Variants in THBS4 observed in about 807,000 individuals in gnomAD.
THBS4 encodes the protein thrombospondin 4.
Under a neutral mutation model 115.7 loss-of-function variants are expected in THBS4, and 90 were observed. The observed-to-expected ratio is 0.78, with a 90% CI of 0.66 to 0.93. THBS4 has a LOEUF of 0.93. THBS4 is among the 40% of genes least tolerant of loss of function. The pLI is 0.00. For synonymous variants in THBS4, 460 were observed against 479.3 expected, an observed-to-expected ratio of 0.96 and a Z score of 0.53; for missense variants, 1,087 against 1,232.7, an observed-to-expected ratio of 0.88 and a Z score of 1.77.
intron 2 of THBS4, among the ~76,000 whole-genome samples, chr5:80,016,040 G>A (rs1214493743): frequency 2.0e-5 from 3 of 152,118 alleles, no homozygotes; most frequent in Non-Finnish European, 4.4e-5. Context: ...GACCAGAAGG[G>A]CTGTCTTTGG....
chr5:80,008,821 G>A (rs1044088428), intron 2 of THBS4, among the ~76,000 whole-genome samples: 7 of 152,148 alleles, frequency 4.6e-5, no homozygotes, highest in African/African-American at 1.7e-4. Flanking sequence ...TGGTGGGGAG[G>A]GGGTCACAAA....
chr5:80,078,007 G>A (rs759814972), intron 16 of THBS4, 42 bp from the exon 17 acceptor site: 2 of 1,485,402 alleles, frequency 1.3e-6, no homozygotes, highest in South Asian at 1.4e-5. Context: ...GGCGGTGGGT[G>A]TGAGCGCTAT....
chr5:80,022,268 T>G (rs1022806940), intron 2 of THBS4, among the ~76,000 whole-genome samples: 3 of 152,216 alleles, frequency 2.0e-5, no homozygotes, highest in Non-Finnish European at 4.4e-5. Flanking sequence ...GCTCAATAAT[T>G]CATTTAATTT....
rs747872624 is a variant in THBS4 at position 80,079,135 on chromosome 5, A to C, written c.2388A>C (p.Ala796=). ...HVNTQTDDDY[A]GFIFGYQDSS... Reference sequence around the variant, plus strand: ...ATACCCAGACAGATGATGACTATGCAGGCTTTATCTTTGGCTACCAAGATA... The same window carrying C: ...ATACCCAGACAGATGATGACTATGCCGGCTTTATCTTTGGCTACCAAGATA... Residue 796 remains alanine, a synonymous_variant, in exon 19 of 22, where the codon GCA becomes GCC. Transcript: ENST00000350881. 4 of 1,614,218 alleles carry C rather than the reference A, an allele frequency of 2.5e-6. No homozygotes were observed. The highest frequency in any genetic ancestry group is 3.4e-6 in the Non-Finnish European group (4 of 1,180,042).
At chr5:80,070,162 T>C in intron 10 of THBS4, 144 bp from the exon 11 acceptor site, 1 of 606,708 alleles carries the variant, frequency 1.6e-6, no homozygotes, top group South Asian at 2.2e-5. Flanking sequence ...TGCAATTAAA[T>C]AGTTTCTAAG....
chr5:80,062,161 G>A (rs1003080748), intron 8 of THBS4, among the ~76,000 whole-genome samples: 7 of 152,250 alleles, frequency 4.6e-5, no homozygotes, highest in South Asian at 2.1e-4. Context: ...TGAGAACCAC[G>A]GAGACAAAAG....
chr5:80,025,470 CT>C (rs1320274347), intron 2 of THBS4, among the ~76,000 whole-genome samples: 1 of 152,204 alleles, frequency 6.6e-6, no homozygotes, highest in Non-Finnish European at 1.5e-5. Flanking sequence ...CCTCAGAGAA[CT>C]AGCCCCAAAG....
chr5:80,082,225 T>A, intron 20 of THBS4, 181 bp from the exon 21 acceptor site: 2 of 691,884 alleles, frequency 2.9e-6, no homozygotes, highest in Non-Finnish European at 4.6e-6. Flanking sequence ...CCTCAAGGAC[T>A]TCCAGTCTAG....
chr5:80,046,726 A>G (rs1833079482), intron 2 of THBS4, among the ~76,000 whole-genome samples: 1 of 152,224 alleles, frequency 6.6e-6, no homozygotes, highest in African/African-American at 2.4e-5. Flanking sequence ...TAATATAAAA[A>G]AGAACGAGCT....
In THBS4 at chr5:80,080,085, G is replaced by C. The variant is rs755701916; in HGVS notation, c.2684+8G>C. 14 of 1,612,346 alleles carry C rather than the reference G, an allele frequency of 8.7e-6. No homozygotes were observed. Among genetic ancestry groups the C allele is most frequent in the Non-Finnish European group, 1.2e-5 (14 of 1,179,214 alleles). ...CCAGGTGGGCTACATCAGGTAGGTA[G>C]AGGCCCCATCTCCTTACCTTGCTCT... is the stretch of plus-strand genomic sequence containing the variant. On this transcript the variant is annotated splice_region_variant and intron_variant, in intron 20 of 21. Transcript: ENST00000350881.
chr5:80,000,441 C>T (rs1831876287), intron 2 of THBS4, among the ~76,000 whole-genome samples: 1 of 152,178 alleles, frequency 6.6e-6, no homozygotes, highest in Non-Finnish European at 1.5e-5. Flanking sequence ...TCTCCCACAT[C>T]TACCCAGTAA....
rs1266159260 is a variant in THBS4, at chr5:80,059,828, A to G, written c.910A>G (p.Ser304Gly). ...TTTCCGAGGTGTCCAATGTACCGAC[A>G]GTAGAGATGGCTTCCAGTGTGGGCC... ...PCFRGVQCTD[S>G]RDGFQCGPCP... Residue 304 changes from serine to glycine, a missense_variant, in exon 7 of 22, where the codon AGT becomes GGT. This residue lies in a region of THBS4 where 979 missense variants were observed against 1,103.7 expected (regional missense o/e 0.89). Transcript: ENST00000350881. 45 of 1,614,090 alleles carry G rather than the reference A, an allele frequency of 2.8e-5. No individual in the cohort carries two copies. The highest frequency in any genetic ancestry group is 3.7e-5 in the Non-Finnish European group (44 of 1,180,040).
In THBS4 at chr5:80,035,485, CG is replaced by C; in HGVS notation, c.-49del. On this transcript the variant is annotated 5_prime_UTR_variant, in exon 1 of 22. Transcript: ENST00000350881. The surrounding 1 kb of genome is among the most constrained non-coding windows in gnomAD (Gnocchi z 4.6). ...AACGCACGGCCCGGGGACCCCCAGG[CG>C]GGGCCAACGCCGCCGTCGCCCCCGG... The C allele has an allele frequency of 8.1e-7, 1 of 1,241,044 alleles. No individual in the cohort carries two copies. Among genetic ancestry groups the C allele is most frequent in the Non-Finnish European group, 1.0e-6 (1 of 980,240 alleles). 76.9% of individuals were successfully genotyped at this position (1,241,044 alleles called of 1,614,324 possible). A position where few individuals can be genotyped will look rare whatever the true frequency, so the allele number is the denominator to read the frequency against.
intron 1 of THBS4, among the ~76,000 whole-genome samples, chr5:79,998,124 T>C (rs1451239258): frequency 4.6e-5 from 7 of 152,160 alleles, no homozygotes; most frequent in African/African-American, 1.7e-4. Flanking sequence ...AATCCAGTGA[T>C]TGGTAACTGA....
At chr5:80,021,660 T>G (rs143802785) in intron 2 of THBS4, among the ~76,000 whole-genome samples, 166 of 152,224 alleles carry the variant, frequency 1.1e-3, no homozygotes, top group African/African-American at 3.9e-3. Context: ...GCTTAGATTT[T>G]TGTATTTTTT....
intron 1 of THBS4, among the ~76,000 whole-genome samples, chr5:80,037,863 A>G (rs937923426): frequency 2.0e-5 from 3 of 152,292 alleles, no homozygotes; most frequent in East Asian, 1.9e-4. Flanking sequence ...AAAAAATCCA[A>G]TTTCCCTTTT....
chr5:79,994,066 T>C (rs1331907392), intron 1 of THBS4, among the ~76,000 whole-genome samples: 1 of 152,234 alleles, frequency 6.6e-6, no homozygotes, highest in Non-Finnish European at 1.5e-5. Context: ...AAAAGTTCTT[T>C]TATCTCTGAG....
At chr5:80,038,573 T>C (rs2112025889) in intron 1 of THBS4, among the ~76,000 whole-genome samples, 1 of 152,048 alleles carries the variant, frequency 6.6e-6, no homozygotes, top group East Asian at 1.9e-4. Context: ...GCCCTTCTCT[T>C]TTTTTTTGCT....
chr5:80,055,734 T>G (rs1833401949), intron 2 of THBS4, 51 bp from the exon 3 acceptor site: 1 of 1,575,164 alleles, frequency 6.3e-7, no homozygotes, highest in Non-Finnish European at 8.6e-7. Context: ...GACCCTCCAC[T>G]TCCCCCTCTG....
Sources: gnomAD v4.1 joint callset for allele counts (sites outside exome capture counted in the v4.1 genomes callset) on GRCh38, gnomAD v4.1.1 for gene constraint, gnomAD v4.1.1 regional missense constraint, Gnocchi (gnomAD v3.1) non-coding constraint, MANE v1.5 for transcripts, NCBI Gene and HGNC (gene_info 2026-07-23, HGNC 2026-07-21) for gene names.